Variants in PCDH11X observed in about 807,000 individuals in gnomAD.
PCDH11X encodes protocadherin 11 X-linked, also known as protocadherin-11 X-linked.
PCDH11X carries 18 observed loss-of-function variants against 53.3 expected under a neutral mutation model. That is an observed-to-expected ratio of 0.34 (90% CI 0.23 to 0.50). The LOEUF is 0.50. Ranked by LOEUF, PCDH11X falls within the 20% of genes least tolerant of loss-of-function variation. PCDH11X has a pLI of 0.98. For synonymous variants in PCDH11X, 279 were observed against 393.3 expected (o/e 0.71, Z 3.44); for missense variants, 570 against 1,032.4 (o/e 0.55, Z 6.14).
chrX:92,251,487 G>A (rs115798707), intron 7 of PCDH11X, among the ~76,000 whole-genome samples: 13,186 of 110,554 alleles, frequency 0.12, 1,252 homozygotes, highest in African/African-American at 0.31. Context: ...TTTTAAGAAT[G>A]TAAACTTTAG....
chrX:91,875,091 AG>A (rs1939522266), intron 5 of PCDH11X, among the ~76,000 whole-genome samples: 1 of 110,031 alleles, frequency 9.1e-6, no homozygotes, highest in African/African-American at 3.3e-5. Flanking sequence ...ACCCATGAAT[AG>A]GAATCTTAAA....
chrX:92,355,808 A>G (rs1183915614), intron 8 of PCDH11X, among the ~76,000 whole-genome samples: 1 of 109,664 alleles, frequency 9.1e-6, no homozygotes, highest in Non-Finnish European at 1.9e-5. Flanking sequence ...ATGTTGCAAT[A>G]TAGTTTTGCA....
intron 10 of PCDH11X, among the ~76,000 whole-genome samples, chrX:92,492,297 T>C (rs2073779924): frequency 8.9e-6 from 1 of 112,057 alleles, no homozygotes; most frequent in African/African-American, 3.2e-5. Context: ...AACTTTGATG[T>C]AACCCACATT....
At chrX:91,930,093 G>A (rs1404515364) in intron 6 of PCDH11X, among the ~76,000 whole-genome samples, 2 of 109,195 alleles carry the variant, frequency 1.8e-5, no homozygotes, top group East Asian at 5.8e-4. Flanking sequence ...AGATAATAAA[G>A]AGAAATAAGC....
intron 9 of PCDH11X, among the ~76,000 whole-genome samples, chrX:92,417,560 T>C (rs2071843040): frequency 9.0e-6 from 1 of 111,700 alleles, no homozygotes; most frequent in Non-Finnish European, 1.9e-5. Flanking sequence ...ACTTAGAGAC[T>C]ACTCAATATG....
chrX:92,075,795 T>C (rs2063764002), intron 6 of PCDH11X, among the ~76,000 whole-genome samples: 1 of 111,724 alleles, frequency 9.0e-6, no homozygotes. Context: ...AAATTCAGTG[T>C]GAATAACTAT....
chrX:91,829,431 C>T (rs1937035389), intron 4 of PCDH11X, among the ~76,000 whole-genome samples: 1 of 90,415 alleles, frequency 1.1e-5, no homozygotes, highest in Non-Finnish European at 2.1e-5. Flanking sequence ...CACACACACA[C>T]ACACACACAC....
chrX:92,202,798 G>A (rs991712771), intron 7 of PCDH11X, among the ~76,000 whole-genome samples: 7 of 111,231 alleles, frequency 6.3e-5, no homozygotes, highest in Admixed American at 9.6e-5. Context: ...GAGGAGTGTG[G>A]ATCACGAGGT....
At chrX:91,870,239 T>C (rs1939213972) in intron 5 of PCDH11X, among the ~76,000 whole-genome samples, 1 of 111,787 alleles carries the variant, frequency 8.9e-6, no homozygotes, top group African/African-American at 3.2e-5. Context: ...TTAAGACATT[T>C]CAATCTGAGT....
At chrX:92,328,818 G>A (rs1306329636) in intron 8 of PCDH11X, among the ~76,000 whole-genome samples, 26 of 109,503 alleles carry the variant, frequency 2.4e-4, no homozygotes, top group Non-Finnish European at 3.8e-4. Context: ...AATACTCCAA[G>A]CTTAGGTGGC....
intron 6 of PCDH11X, among the ~76,000 whole-genome samples, chrX:91,937,690 C>T (rs917088942): frequency 1.8e-5 from 2 of 110,974 alleles, no homozygotes; most frequent in Non-Finnish European, 3.8e-5. Context: ...TTCAAAACAT[C>T]ATTACACTGT....
intron 8 of PCDH11X, among the ~76,000 whole-genome samples, chrX:92,338,259 A>C (rs2069668130): frequency 8.9e-6 from 1 of 111,895 alleles, no homozygotes; most frequent in Admixed American, 9.5e-5. Context: ...TTTCTTAAGT[A>C]GACAGTTATT....
chrX:92,408,765 G>C (rs2071580957), intron 9 of PCDH11X, among the ~76,000 whole-genome samples: 3 of 109,094 alleles, frequency 2.7e-5, no homozygotes, highest in Non-Finnish European at 5.7e-5. Flanking sequence ...TGTGTTTTTA[G>C]TAAAGACGGG....
At position 92,410,851 on chromosome X, in the gene PCDH11X, T is replaced by A. The variant is rs142516395; in HGVS notation, c.3343+22918T>A. On this transcript the variant is annotated intron_variant, in intron 9 of 10. Coordinates refer to ENST00000682573, the MANE Select transcript of PCDH11X (RefSeq NM_032968.5). Reference sequence around the variant, plus strand: ...TGAGGCAGAAGGCAAAAGTGCCAACTGATGTTCGATGCCATCAAACGATAT... The same window carrying A: ...TGAGGCAGAAGGCAAAAGTGCCAACAGATGTTCGATGCCATCAAACGATAT... 4.1e-4 allele frequency among the ~76,000 whole-genome samples: 40 copies of A among 98,142 alleles called. No individual in the cohort carries two copies. The East Asian group carries it at 0.012, about 30-fold the overall frequency. 85.2% of individuals were successfully genotyped at this position (98,142 alleles called of 115,157 possible). A position where few individuals can be genotyped will look rare whatever the true frequency, so the allele number is the denominator to read the frequency against.
chrX:92,439,409 C>A (rs1046572955), intron 9 of PCDH11X, among the ~76,000 whole-genome samples: 6 of 111,076 alleles, frequency 5.4e-5, no homozygotes, highest in African/African-American at 1.6e-4. Flanking sequence ...TAGATGGAAT[C>A]AGAGCCATAG....
intron 5 of PCDH11X, among the ~76,000 whole-genome samples, chrX:91,841,160 A>T (rs185719662): frequency 9.0e-6 from 1 of 111,587 alleles, no homozygotes; most frequent in Non-Finnish European, 1.9e-5. Flanking sequence ...TGTCTTCATA[A>T]ATGAATCTTT....
At chrX:92,430,696 C>T (rs2148624791) in intron 9 of PCDH11X, among the ~76,000 whole-genome samples, 1 of 103,955 alleles carries the variant, frequency 9.6e-6, no homozygotes, top group East Asian at 2.9e-4. Context: ...ATAGGTCTTA[C>T]AAATATTATG....
At chrX:92,517,753 C>G (rs889228081) in intron 10 of PCDH11X, among the ~76,000 whole-genome samples, 1 of 110,673 alleles carries the variant, frequency 9.0e-6, no homozygotes. Flanking sequence ...GCTTCCCCTT[C>G]CATCTTCTCT....
intron 6 of PCDH11X, among the ~76,000 whole-genome samples, chrX:92,165,591 A>G (rs1016211824): frequency 1.8e-5 from 2 of 112,014 alleles, no homozygotes; most frequent in African/African-American, 6.5e-5. Context: ...GACTGTAACC[A>G]TAATTATATA....
Sources: gnomAD v4.1 joint callset for allele counts (sites outside exome capture counted in the v4.1 genomes callset) on GRCh38, gnomAD v4.1.1 for gene constraint, MANE v1.5 for transcripts, NCBI Gene and HGNC (gene_info 2026-07-23, HGNC 2026-07-21) for gene names.